BCL2L13: variants seen among roughly 807,000 people sequenced by gnomAD.
The protein encoded by BCL2L13 is bcl-2-like protein 13.
BCL2L13 carries 13 observed loss-of-function variants against 25.8 expected under a neutral mutation model. That is an observed-to-expected ratio of 0.50 (90% confidence interval 0.33 to 0.80). BCL2L13 has a LOEUF of 0.80. Among genes scored for constraint, BCL2L13 ranks in the 30% least tolerant of loss-of-function variants. BCL2L13 has a pLI of 0.02. For missense variants in BCL2L13, 504 were observed against 574.9 expected, an observed-to-expected ratio of 0.88 and a Z score of 1.26; for synonymous variants, 244 against 230.3, an observed-to-expected ratio of 1.06 and a Z score of -0.54.
chr22:17,701,439 A>G (rs1050822136), intron 5 of BCL2L13, among the ~76,000 whole-genome samples: 3 of 152,120 alleles, frequency 2.0e-5, no homozygotes, highest in Non-Finnish European at 4.4e-5. Flanking sequence ...TTATATAGAC[A>G]TATATATATG....
At chr22:17,661,074 G>A in intron 2 of BCL2L13, among the ~76,000 whole-genome samples, 1 of 144,810 alleles carries the variant, frequency 6.9e-6, no homozygotes, top group South Asian at 2.1e-4. Context: ...TTCTGCACCT[G>A]GCTCCATTTC....
chr22:17,678,170 A>G (rs1042081133), intron 2 of BCL2L13, among the ~76,000 whole-genome samples: 1 of 152,140 alleles, frequency 6.6e-6, no homozygotes, highest in African/African-American at 2.4e-5. Flanking sequence ...CGATGGGAAC[A>G]TGCCACTGTG....
intron 4 of BCL2L13, 136 bp downstream of exon 4, chr22:17,689,278 T>C: frequency 1.3e-6 from 1 of 765,762 alleles, no homozygotes; most frequent in Non-Finnish European, 1.9e-6. Context: ...TTTTCTTCAT[T>C]TTCTTTCCCA....
At chr22:17,667,618 C>T (rs1177728349) in intron 2 of BCL2L13, among the ~76,000 whole-genome samples, 4 of 151,980 alleles carry the variant, frequency 2.6e-5, no homozygotes, top group Admixed American at 6.6e-5. Context: ...AAGCGATTCT[C>T]CTGCCCCCAC....
chr22:17,680,307 A>G (rs1380146373), intron 2 of BCL2L13, among the ~76,000 whole-genome samples: 2 of 150,584 alleles, frequency 1.3e-5, no homozygotes, highest in Non-Finnish European at 3.0e-5. Context: ...TCAGGAGATC[A>G]AGACCATCCT....
rs548843370 is a variant in BCL2L13, at chr22:17,668,483, C to T, written c.121+12651C>T. 5.3e-5 allele frequency among the ~76,000 whole-genome samples: 8 copies of T among 150,338 alleles called. No individual in the cohort carries two copies. The South Asian group carries it at 6.3e-4, about 12-fold the overall frequency. ...TTTTTTTTCTCCTGAGATGGAGTCTCGCTCTGTCGCCCAGGCTGGAGTGCA... is the reference window on the plus strand; with the variant it reads ...TTTTTTTTCTCCTGAGATGGAGTCTTGCTCTGTCGCCCAGGCTGGAGTGCA... On this transcript the variant is annotated intron_variant, in intron 2 of 6. Transcript: ENST00000317582.
At chr22:17,688,898 G>A (rs1393189574) in intron 3 of BCL2L13, 88 bp from the exon 4 acceptor site, 1 of 1,329,698 alleles carries the variant, frequency 7.5e-7, no homozygotes, top group African/African-American at 1.5e-5. Context: ...CTCCTGAGTA[G>A]CTGGGATTAC....
intron 2 of BCL2L13, among the ~76,000 whole-genome samples, chr22:17,661,949 C>T (rs994443681): frequency 3.3e-5 from 5 of 150,848 alleles, no homozygotes; most frequent in Admixed American, 2.0e-4. Context: ...CAAAATTGCA[C>T]CATTGCACTC....
At chr22:17,710,457 G>A (rs1487294004) in intron 6 of BCL2L13, among the ~76,000 whole-genome samples, 2 of 152,028 alleles carry the variant, frequency 1.3e-5, no homozygotes, top group African/African-American at 4.8e-5. Context: ...GCGCACACCT[G>A]TAATCTTAGC....
chr22:17,655,604 A>G lies in BCL2L13; in HGVS notation c.-50-58A>G, dbSNP rs565492052. 146 of 1,371,054 alleles carry G rather than the reference A, an allele frequency of 1.1e-4. No homozygotes were observed. The African/African-American group carries it at 1.3e-3, about 12-fold the overall frequency. The allele number at this position is 1,371,054 out of a possible 1,614,324, so 84.9% of individuals were successfully genotyped here. A position where few individuals can be genotyped will look rare whatever the true frequency, so the allele number is the denominator to read the frequency against. On this transcript the variant is annotated intron_variant, in intron 1 of 6. Transcript: ENST00000317582. The stretch of plus-strand genomic sequence containing the variant: ...GCACAAGACATTTTGGTGTGAAACA[A>G]CTGTTAAAGTGGCATGTAATAAACT...
chr22:17,650,377 G>A (rs1318543053), intron 1 of BCL2L13, among the ~76,000 whole-genome samples: 1 of 151,992 alleles, frequency 6.6e-6, no homozygotes, highest in Admixed American at 6.6e-5. Context: ...ATTCTAATGT[G>A]TTCTTTTTAA....
intron 6 of BCL2L13, among the ~76,000 whole-genome samples, chr22:17,721,631 TCTC>T (rs1250234497): frequency 6.6e-6 from 1 of 150,540 alleles, no homozygotes; most frequent in Admixed American, 6.7e-5. Flanking sequence ...TTCAAGCAAT[TCTC>T]CTGCCTCAGC....
rs1042252621 is a variant in BCL2L13 at position 17,728,842 on chromosome 22, C to A, written c.*1308C>A. ...GGTAATAAACCAAAATAGTCCTAATCAGTATATGCTAGTTGAGCATCGGCA... is the reference window on the plus strand; with the variant it reads ...GGTAATAAACCAAAATAGTCCTAATAAGTATATGCTAGTTGAGCATCGGCA... On this transcript the variant is annotated 3_prime_UTR_variant, in exon 7 of 7. Transcript: ENST00000317582. 2.6e-5 allele frequency: 4 copies of A among 152,204 alleles called. No individual in the cohort carries two copies. The East Asian group carries it at 7.7e-4, about 29-fold the overall frequency. 9.4% of individuals were successfully genotyped at this position (152,204 alleles called of 1,614,324 possible).
At chr22:17,634,368 G>GTA (rs1250782271), upstream of BCL2L13, among the ~76,000 whole-genome samples, 1 of 152,052 alleles carries the variant, frequency 6.6e-6, no homozygotes. Context: ...TGTATTTTTA[G>GTA]TAGAGACGAG....
At chr22:17,649,111 T>C (rs1193297457) in intron 1 of BCL2L13, among the ~76,000 whole-genome samples, 2 of 152,006 alleles carry the variant, frequency 1.3e-5, no homozygotes, top group Non-Finnish European at 2.9e-5. Context: ...ATTTTTTTTT[T>C]TTTTGGGAGA....
At chr22:17,683,872 A>G (rs1316255165) in intron 3 of BCL2L13, among the ~76,000 whole-genome samples, 2 of 149,412 alleles carry the variant, frequency 1.3e-5, no homozygotes, top group African/African-American at 4.9e-5. Context: ...TATTATTATT[A>G]TTATTATTAT....
chr22:17,727,405 G>A lies in BCL2L13; in HGVS notation c.1329G>A (p.Leu443=). 1 of 1,614,218 alleles carries A rather than the reference G, an allele frequency of 6.2e-7. No individual in the cohort carries two copies. Among genetic ancestry groups the A allele is most frequent in the Non-Finnish European group, 8.5e-7 (1 of 1,180,034 alleles). ...PVPPSEGKSR[L]SPAGEMKPMP... ...CGCCGTCTGAGGGCAAGTCTAGACT[G>A]TCCCCCGCCGGTGAGATGAAGCCCA... is the stretch of plus-strand genomic sequence containing the variant. Residue 443 remains leucine, a synonymous_variant, in exon 7 of 7, where the codon CTG becomes CTA. Transcript: ENST00000317582.
At chr22:17,713,435 T>G (rs1312647761) in intron 6 of BCL2L13, among the ~76,000 whole-genome samples, 1 of 149,424 alleles carries the variant, frequency 6.7e-6, no homozygotes, top group Non-Finnish European at 1.5e-5. Flanking sequence ...TTCCAATAAA[T>G]AAACCCATCA....
chr22:17,674,949 T>C (rs1177882535), intron 2 of BCL2L13, among the ~76,000 whole-genome samples: 1 of 152,116 alleles, frequency 6.6e-6, no homozygotes, highest in Non-Finnish European at 1.5e-5. Flanking sequence ...AAATTGTACA[T>C]GTCTATAGTA....
Sources: allele counts gnomAD v4.1 joint callset (sites outside exome capture counted in the v4.1 genomes callset), GRCh38; gene constraint gnomAD v4.1.1; transcripts MANE v1.5; gene names NCBI Gene and HGNC (gene_info 2026-07-23, HGNC 2026-07-21).